The following CNNM2 variants were observed in gnomAD, a reference collection of about 807,000 sequenced individuals.
The protein encoded by CNNM2 is cyclin and CBS domain divalent metal cation transport mediator 2.
CNNM2 carries 12 observed loss-of-function variants against 66.9 expected under a neutral mutation model. The ratio of observed to expected loss-of-function variants is 0.18; its 90% confidence interval spans 0.11 to 0.29. CNNM2 has a LOEUF of 0.29. Among genes scored for constraint, CNNM2 ranks in the 10% least tolerant of loss-of-function variants. CNNM2 has a pLI of 1.00. For missense variants in CNNM2, 705 were observed against 1,167.7 expected (o/e 0.60, Z 5.77); for synonymous variants, 557 against 501.8 (o/e 1.11, Z -1.47).
In CNNM2 at chr10:102,918,583, G is replaced by T. The variant is rs1206492356; in HGVS notation, c.103G>T (p.Ala35Ser). Residue 35 changes from alanine (A) to serine (S), a missense_variant, in exon 1 of 8, where the codon GCT becomes TCT. Physicochemically the swap from Ala to Ser is moderately conservative, Grantham distance 99 (BLOSUM62 1). Around this residue, in one of 9 missense-constraint regions of CNNM2, gnomAD observed 98 missense variants for 73.6 expected, o/e 1.33. Transcript: ENST00000369878. The surrounding 1 kb of genome is among the most constrained non-coding windows in gnomAD (Gnocchi z 4.1). ...GATGGCGGCGCGCCGCAGCCTCAGC[G>T]CTCGCGGCCGGGGGATCCTGCAGGC... ...WKMAARRSLS[A>S]RGRGILQAAA... The T allele has an allele frequency of 1.3e-6, 2 of 1,572,988 alleles. No individual in the cohort carries two copies. Among genetic ancestry groups the T allele is most frequent in the Non-Finnish European group, 1.7e-6 (2 of 1,163,500 alleles).
rs368608994 is a variant in CNNM2, at chr10:102,918,958, T to A, written c.478T>A (p.Leu160Met). ...CGIRTSDIII[L>M]PHIILNRRTS... ...CATCCGCACCTCAGACATCATCATC[T>A]TGCCCCACATCATTCTCAACCGCCG... Residue 160 changes from leucine (L) to methionine (M), a missense_variant, in exon 1 of 8, where the codon TTG becomes ATG. Leu to Met is a conservative substitution (Grantham distance 15). Coordinates refer to ENST00000369878, the MANE Select transcript of CNNM2 (RefSeq NM_017649.5). The surrounding 1 kb of genome is among the most constrained non-coding windows in gnomAD (Gnocchi z 4.1). The A allele has an allele frequency of 1.1e-5, 17 of 1,612,426 alleles. No individual in the cohort carries two copies. Among genetic ancestry groups the A allele is most frequent in the Non-Finnish European group, 1.3e-5 (15 of 1,179,434 alleles).
chr10:103,038,887 T>C (rs2064989172), intron 1 of CNNM2, among the ~76,000 whole-genome samples: 2 of 152,234 alleles, frequency 1.3e-5, no homozygotes, highest in African/African-American at 4.8e-5. Flanking sequence ...ATTGTTTATA[T>C]AGGACTATTT....
chr10:102,969,269 A>T (rs1487165088), intron 1 of CNNM2, among the ~76,000 whole-genome samples: 1 of 151,562 alleles, frequency 6.6e-6, no homozygotes, highest in Non-Finnish European at 1.5e-5. Context: ...GTTGGAGTGC[A>T]ATGGGGCAAT....
intron 1 of CNNM2, among the ~76,000 whole-genome samples, chr10:102,950,779 A>G (rs922039151): frequency 6.6e-5 from 10 of 152,140 alleles, no homozygotes; most frequent in African/African-American, 2.2e-4. Flanking sequence ...ATAATTTGGG[A>G]AAACTCACTG....
At chr10:103,053,595 A>C (rs963308100) in intron 2 of CNNM2, among the ~76,000 whole-genome samples, 1 of 152,250 alleles carries the variant, frequency 6.6e-6, no homozygotes, top group Admixed American at 6.5e-5. Context: ...TGCAGTGTTC[A>C]TAAAGAAAGT....
intron 1 of CNNM2, among the ~76,000 whole-genome samples, chr10:102,982,645 G>A (rs776362475): frequency 1.3e-5 from 2 of 152,150 alleles, no homozygotes; most frequent in Non-Finnish European, 2.9e-5. Flanking sequence ...AGGGCTTTCC[G>A]ATATAAGTAA....
rs1027119969 is a variant in CNNM2 at position 102,918,420 on chromosome 10, C to G, written c.-61C>G. On this transcript the variant is annotated 5_prime_UTR_variant, in exon 1 of 8. Coordinates refer to ENST00000369878, the MANE Select transcript of CNNM2 (RefSeq NM_017649.5). The surrounding 1 kb of genome is among the most constrained non-coding windows in gnomAD (Gnocchi z 4.1). ...CTCCGTTGCAGTCTCGCCCAGGGGC[C>G]GGTACCTGCGCTCGCGCCGCCGGGT... 1.2e-5 allele frequency: 19 copies of G among 1,560,484 alleles called. No homozygotes were observed. Among genetic ancestry groups the G allele is most frequent in the African/African-American group, 5.4e-5 (4 of 73,416 alleles).
At chr10:103,034,370 C>T in intron 1 of CNNM2, among the ~76,000 whole-genome samples, 1 of 151,500 alleles carries the variant, frequency 6.6e-6, no homozygotes, top group Non-Finnish European at 1.5e-5. Flanking sequence ...CATTACTTTC[C>T]CCTTCAAGCA....
chr10:103,046,975 G>T (rs887272333), intron 1 of CNNM2, among the ~76,000 whole-genome samples: 1 of 152,134 alleles, frequency 6.6e-6, no homozygotes, highest in Non-Finnish European at 1.5e-5. Context: ...TGTTTGGTCC[G>T]AAATCTTCTT....
At position 102,918,386 on chromosome 10, in the gene CNNM2, C is replaced by A. The variant is rs1444109689; in HGVS notation, c.-95C>A. ...AGGGAGGCGAACTGCTGAGCACTGG[C>A]CGCGGACGCTCCGTTGCAGTCTCGC... On this transcript the variant is annotated 5_prime_UTR_variant, in exon 1 of 8. Transcript: ENST00000369878. This position sits in a 1 kb window ranked among gnomAD's most constrained non-coding sequence, Gnocchi z 4.1. 2.2e-5 allele frequency: 34 copies of A among 1,524,362 alleles called. No homozygotes were observed. The highest frequency in any genetic ancestry group is 2.5e-5 in the Non-Finnish European group (29 of 1,143,100). The allele number at this position is 1,524,362 out of a possible 1,614,324, so 94.4% of individuals were successfully genotyped here.
intron 1 of CNNM2, among the ~76,000 whole-genome samples, chr10:102,925,867 T>C (rs528542395): frequency 2.6e-5 from 4 of 152,366 alleles, no homozygotes; most frequent in African/African-American, 9.6e-5. Context: ...TTTTTTACTT[T>C]GTTGTGGTTA....
At position 103,085,138 on chromosome 10, in the gene CNNM2, G is replaced by A. The variant is rs2065792205; in HGVS notation, c.*7958G>A. The A allele has an allele frequency of 6.6e-6, 1 of 152,172 alleles. No individual in the cohort carries two copies. The highest frequency in any genetic ancestry group is 2.1e-4 in the South Asian group (1 of 4,828). 9.4% of individuals were successfully genotyped at this position (152,172 alleles called of 1,614,324 possible). On this transcript the variant is annotated 3_prime_UTR_variant, in exon 8 of 8. Coordinates refer to ENST00000369878, the MANE Select transcript of CNNM2 (RefSeq NM_017649.5). ...GATGCACGTTTCTAAGGGAGAATTA[G>A]TTGCCCGACTTCTGAAGTGCTTTTC...
intron 1 of CNNM2, among the ~76,000 whole-genome samples, chr10:102,987,389 C>T (rs945532892): frequency 5.9e-5 from 9 of 152,142 alleles, no homozygotes; most frequent in Admixed American, 3.3e-4. Flanking sequence ...GGCGTGATCT[C>T]GGCTCACTGC....
intron 1 of CNNM2, among the ~76,000 whole-genome samples, chr10:102,981,883 G>A (rs957899302): frequency 6.6e-6 from 1 of 151,488 alleles, no homozygotes; most frequent in Non-Finnish European, 1.5e-5. Flanking sequence ...GGATGGCCTT[G>A]GTTGGAATGA....
intron 1 of CNNM2, among the ~76,000 whole-genome samples, chr10:102,971,944 G>A (rs1184229879): frequency 1.3e-5 from 2 of 151,976 alleles, no homozygotes; most frequent in Admixed American, 1.3e-4. Flanking sequence ...ATTATCTATT[G>A]CTTATTTTTC....
intron 1 of CNNM2, among the ~76,000 whole-genome samples, chr10:102,942,066 C>T (rs765645885): frequency 9.9e-5 from 15 of 152,228 alleles, no homozygotes; most frequent in Non-Finnish European, 1.6e-4. Flanking sequence ...ATCTTTTCAC[C>T]TAGTAGCTCC....
chr10:102,952,550 T>C (rs924936895), intron 1 of CNNM2, among the ~76,000 whole-genome samples: 7 of 149,158 alleles, frequency 4.7e-5, no homozygotes. Context: ...GGTGACAGAG[T>C]GAGACTCCGT....
chr10:103,011,684 G>GTGTGTA (rs2064346267), intron 1 of CNNM2, among the ~76,000 whole-genome samples: 2 of 147,432 alleles, frequency 1.4e-5, no homozygotes, highest in East Asian at 2.0e-4. Flanking sequence ...GTGTGTGTGT[G>GTGTGTA]TATGTATAAT....
chr10:102,922,181 A>G (rs1845667301), intron 1 of CNNM2, among the ~76,000 whole-genome samples: 1 of 152,246 alleles, frequency 6.6e-6, no homozygotes, highest in South Asian at 2.1e-4. Flanking sequence ...TTAAAGGCAT[A>G]CATTCAAGCT....
Sources: gnomAD v4.1 joint callset for allele counts (sites outside exome capture counted in the v4.1 genomes callset) on GRCh38, gnomAD v4.1.1 for gene constraint, gnomAD v4.1.1 regional missense constraint, Gnocchi (gnomAD v3.1) non-coding constraint, MANE v1.5 for transcripts, NCBI Gene and HGNC (gene_info 2026-07-23, HGNC 2026-07-21) for gene names.